BTBD9: variants seen among roughly 807,000 people sequenced by gnomAD.
BTBD9 encodes BTB domain containing 9, also known as BTB/POZ domain-containing protein 9.
In BTBD9, 49 loss-of-function variants were observed where a neutral mutation model predicts 64.3. That is an observed-to-expected ratio of 0.76 (90% CI 0.61 to 0.97). The LOEUF (loss-of-function observed/expected upper bound fraction) is 0.97. BTBD9 is among the 50% of genes least tolerant of loss of function. The pLI is 0.00. For missense variants in BTBD9, 598 were observed against 762.1 expected (o/e 0.78, Z 2.53); for synonymous variants, 260 against 274.7 (o/e 0.95, Z 0.53).
At chr6:38,635,952 A>G (rs1227002730) in intron 1 of BTBD9, among the ~76,000 whole-genome samples, 1 of 152,170 alleles carries the variant, frequency 6.6e-6, no homozygotes, top group Non-Finnish European at 1.5e-5. Context: ...CATCTTTTCC[A>G]GTTCTCACTC....
chr6:38,496,402 G>A (rs1385386463), intron 6 of BTBD9, among the ~76,000 whole-genome samples: 1 of 152,200 alleles, frequency 6.6e-6, no homozygotes, highest in East Asian at 1.9e-4. Context: ...TAGTACTTTG[G>A]GAGGCTGAGG....
intron 7 of BTBD9, among the ~76,000 whole-genome samples, chr6:38,331,602 G>C (rs1375431965): frequency 2.0e-5 from 3 of 152,058 alleles, no homozygotes; most frequent in Non-Finnish European, 4.4e-5. Flanking sequence ...CTCACACCTG[G>C]AATCCCAGCA....
intron 6 of BTBD9, among the ~76,000 whole-genome samples, chr6:38,550,136 C>T (rs1367988855): frequency 6.6e-6 from 1 of 152,090 alleles, no homozygotes; most frequent in Non-Finnish European, 1.5e-5. Flanking sequence ...TCAACTTCCT[C>T]TTCAACATCT....
chr6:38,545,567 C>T lies in BTBD9; in HGVS notation c.1154+32033G>A, dbSNP rs533460848. On this transcript the variant is annotated intron_variant, in intron 6 of 10. Coordinates refer to ENST00000481247, the MANE Select transcript of BTBD9 (RefSeq NM_001099272.2). ...GGCGGAGGTGGGCAAATCACGAGGT[C>T]AGGAGATCGAGACCATCCTGGCTAA... 3.3e-5 allele frequency among the ~76,000 whole-genome samples: 5 copies of T among 151,976 alleles called. No individual in the cohort carries two copies. The South Asian group carries it at 6.3e-4, about 19-fold the overall frequency.
At chr6:38,628,163 C>A (rs1279750920) in intron 1 of BTBD9, among the ~76,000 whole-genome samples, 1 of 152,046 alleles carries the variant, frequency 6.6e-6, no homozygotes, top group East Asian at 1.9e-4. Context: ...ACTTTTGGAA[C>A]CATGTTAACA....
chr6:38,470,506 T>C (rs764882722), intron 6 of BTBD9, among the ~76,000 whole-genome samples: 3 of 151,592 alleles, frequency 2.0e-5, no homozygotes, highest in Non-Finnish European at 4.4e-5. Flanking sequence ...TTAGGGAGGG[T>C]TGGTTTTATT....
chr6:38,578,232 C>T (rs924622565), intron 5 of BTBD9, among the ~76,000 whole-genome samples: 3 of 152,118 alleles, frequency 2.0e-5, no homozygotes, highest in Admixed American at 6.6e-5. Flanking sequence ...TTATCTCCTG[C>T]TGCCTCCCAG....
intron 7 of BTBD9, among the ~76,000 whole-genome samples, chr6:38,311,751 CTG>C: frequency 6.6e-6 from 1 of 152,304 alleles, no homozygotes; most frequent in African/African-American, 2.4e-5. Flanking sequence ...TTGTTATTGT[CTG>C]TCTTTTGGAT....
At chr6:38,523,501 C>A (rs1181518532) in intron 6 of BTBD9, among the ~76,000 whole-genome samples, 1 of 152,170 alleles carries the variant, frequency 6.6e-6, no homozygotes, top group Non-Finnish European at 1.5e-5. Flanking sequence ...CCTTCAAACC[C>A]TCCTGTTTCA....
intron 9 of BTBD9, among the ~76,000 whole-genome samples, chr6:38,228,873 AAAAAACAAAAAC>A (rs542538750): frequency 2.0e-5 from 3 of 149,804 alleles, no homozygotes; most frequent in Non-Finnish European, 1.5e-5. Flanking sequence ...GCTCCGTCTC[AAAAAACAAAAAC>A]AAAAACAAAA....
chr6:38,510,627 CACAA>C (rs1281606696), intron 6 of BTBD9, among the ~76,000 whole-genome samples: 3 of 152,154 alleles, frequency 2.0e-5, no homozygotes, highest in East Asian at 3.8e-4. Flanking sequence ...TAGCTTAAAA[CACAA>C]ACATTGTATA....
intron 6 of BTBD9, among the ~76,000 whole-genome samples, chr6:38,559,180 C>G (rs1455704512): frequency 6.6e-6 from 1 of 152,132 alleles, no homozygotes; most frequent in Non-Finnish European, 1.5e-5. Context: ...TCCATTTCTT[C>G]TCGATTTTCT....
chr6:38,201,998 TA>T (rs1240761544), intron 9 of BTBD9, among the ~76,000 whole-genome samples: 2 of 151,922 alleles, frequency 1.3e-5, no homozygotes, highest in Admixed American at 1.3e-4. Context: ...TTAATACCAT[TA>T]AAATGACTGT....
chr6:38,608,906 C>T (rs1401790195), intron 1 of BTBD9, among the ~76,000 whole-genome samples: 1 of 152,130 alleles, frequency 6.6e-6, no homozygotes, highest in Non-Finnish European at 1.5e-5. Context: ...CTAACTCCAA[C>T]ATAACATTCT....
chr6:38,305,537 C>A (rs1762595473), intron 7 of BTBD9, among the ~76,000 whole-genome samples: 1 of 152,216 alleles, frequency 6.6e-6, no homozygotes, highest in South Asian at 2.1e-4. Flanking sequence ...GGCTGGAGTG[C>A]AGTGGCACGG....
At chr6:38,361,895 C>A (rs890757852) in intron 6 of BTBD9, among the ~76,000 whole-genome samples, 2 of 151,290 alleles carry the variant, frequency 1.3e-5, no homozygotes, top group Non-Finnish European at 2.9e-5. Context: ...AACAACTCCA[C>A]AAGTATTTCA....
chr6:38,602,031 A>G (rs112501446), intron 1 of BTBD9, among the ~76,000 whole-genome samples: 8 of 152,328 alleles, frequency 5.3e-5, no homozygotes, highest in African/African-American at 1.7e-4. Context: ...AGAAAAATAC[A>G]AAGACATAAG....
intron 6 of BTBD9, among the ~76,000 whole-genome samples, chr6:38,541,226 A>C (rs1379681940): frequency 1.3e-5 from 2 of 152,366 alleles, no homozygotes; most frequent in East Asian, 3.9e-4. Flanking sequence ...CAATAATAGA[A>C]TATTTGAACA....
At chr6:38,470,925 C>CTTA (rs1219159404) in intron 6 of BTBD9, among the ~76,000 whole-genome samples, 3 of 152,226 alleles carry the variant, frequency 2.0e-5, no homozygotes, top group Non-Finnish European at 4.4e-5. Flanking sequence ...GCTTCTTTAA[C>CTTA]ATGCACTGAA....
Sources: allele counts gnomAD v4.1 joint callset (sites outside exome capture counted in the v4.1 genomes callset), GRCh38; gene constraint gnomAD v4.1.1; transcripts MANE v1.5; gene names NCBI Gene and HGNC (gene_info 2026-07-23, HGNC 2026-07-21).